Variants in ART3 observed in about 807,000 individuals in gnomAD.
The protein encoded by ART3 is ecto-ADP-ribosyltransferase 3.
Under a neutral mutation model 48.5 loss-of-function variants are expected in ART3, and 49 were observed. The ratio of observed to expected loss-of-function variants is 1.01; its 90% CI spans 0.80 to 1.28. ART3 has a LOEUF of 1.28. ART3 is among the 50% of genes most tolerant of loss of function. The pLI is 0.00. For missense variants in ART3, 438 were observed against 454.3 expected (o/e 0.96, Z 0.33); for synonymous variants, 145 against 157.2 (o/e 0.92, Z 0.58).
At chr4:76,061,675 A>G (rs1483625603) in intron 1 of ART3, among the ~76,000 whole-genome samples, 6 of 152,180 alleles carry the variant, frequency 3.9e-5, no homozygotes. Context: ...TCCATAAAAC[A>G]TATCATGCTG....
chr4:76,076,588 G>C (rs1265231435), intron 2 of ART3, among the ~76,000 whole-genome samples: 1 of 152,068 alleles, frequency 6.6e-6, no homozygotes, highest in African/African-American at 2.4e-5. Context: ...ACAAAAATGG[G>C]TTCACACTGT....
intron 1 of ART3, chr4:76,075,378 T>C (rs888973615): frequency 6.6e-6 from 1 of 152,568 alleles, no homozygotes; most frequent in African/African-American, 2.4e-5. Context: ...GACCTCATCA[T>C]CTCCTCTGTC....
At position 76,075,964 on chromosome 4, in the gene ART3, G is replaced by A; in HGVS notation, c.69+6G>A. On this transcript the variant is annotated splice_donor_region_variant and intron_variant, in intron 2 of 11. Coordinates refer to ENST00000355810, the MANE Select transcript of ART3 (RefSeq NM_001130016.3). The stretch of plus-strand genomic sequence containing the variant: ...TTCTAGTGGACATTTTCCAGGTAAT[G>A]TTGGGAATGGGAAGCATGTGGTCAT... The A allele has an allele frequency of 6.3e-7, 1 of 1,591,306 alleles. No homozygotes were observed. The highest frequency in any genetic ancestry group is 8.6e-7 in the Non-Finnish European group (1 of 1,163,294).
intron 1 of ART3, among the ~76,000 whole-genome samples, chr4:76,052,777 C>T (rs1002968248): frequency 6.1e-5 from 9 of 148,238 alleles, no homozygotes; most frequent in African/African-American, 9.8e-5. Flanking sequence ...TGCACGGGCA[C>T]GATCTCGGCT....
chr4:76,063,820 T>A (rs945642238), intron 1 of ART3, among the ~76,000 whole-genome samples: 3 of 152,236 alleles, frequency 2.0e-5, no homozygotes, highest in Non-Finnish European at 4.4e-5. Flanking sequence ...TAGAGTTTCA[T>A]GTATTATACA....
chr4:76,069,386 CTTTTTTT>C (rs34858048), intron 1 of ART3, among the ~76,000 whole-genome samples: 2 of 110,160 alleles, frequency 1.8e-5, no homozygotes, highest in Non-Finnish European at 3.6e-5. Flanking sequence ...TACTTAATTC[CTTTTTTT>C]TTTTTTTTTT....
intron 1 of ART3, among the ~76,000 whole-genome samples, chr4:76,040,537 A>G (rs1560590071): frequency 3.9e-5 from 1 of 25,402 alleles, no homozygotes; most frequent in Non-Finnish European, 6.6e-5. Flanking sequence ...CGCCCCCTCC[A>G]TGTGTCAGGG....
chr4:76,065,399 C>T (rs1719630459), intron 1 of ART3, among the ~76,000 whole-genome samples: 1 of 152,060 alleles, frequency 6.6e-6, no homozygotes, highest in South Asian at 2.1e-4. Context: ...AACCAGAGTC[C>T]CTGGAGAAAC....
At chr4:76,078,672 A>C (rs1721683243) in intron 2 of ART3, among the ~76,000 whole-genome samples, 1 of 152,086 alleles carries the variant, frequency 6.6e-6, no homozygotes, top group Non-Finnish European at 1.5e-5. Context: ...TTAACCTTTT[A>C]TAAATGTTGT....
intron 3 of ART3, among the ~76,000 whole-genome samples, chr4:76,083,337 A>G (rs1722889660): frequency 6.6e-6 from 1 of 152,124 alleles, no homozygotes; most frequent in South Asian, 2.1e-4. Context: ...ACATGCTTCA[A>G]CATGTTATTT....
chr4:76,071,237 C>G (rs1022271505), upstream of ART3, among the ~76,000 whole-genome samples: 1 of 151,976 alleles, frequency 6.6e-6, no homozygotes, highest in Non-Finnish European at 1.5e-5. Context: ...ACTCTGGAAT[C>G]TGAGGCAGGA....
chr4:76,016,411 C>G (rs1361991167), intron 1 of ART3, among the ~76,000 whole-genome samples: 1 of 152,148 alleles, frequency 6.6e-6, no homozygotes, highest in African/African-American at 2.4e-5. Flanking sequence ...TTAGTTTCTC[C>G]TAAACAAATG....
intron 1 of ART3, among the ~76,000 whole-genome samples, chr4:76,027,526 C>T (rs1161005103): frequency 1.4e-5 from 2 of 142,326 alleles, no homozygotes; most frequent in Admixed American, 1.4e-4. Flanking sequence ...TTGGTAGACT[C>T]ATAGGGGTGA....
chr4:76,027,875 C>T (rs1189824862), intron 1 of ART3, among the ~76,000 whole-genome samples: 1 of 150,848 alleles, frequency 6.6e-6, no homozygotes, highest in African/African-American at 2.4e-5. Flanking sequence ...TCCTAATCAT[C>T]CAGGGTAAGC....
chr4:76,067,955 A>T (rs12509988), intron 1 of ART3, among the ~76,000 whole-genome samples: 1 of 151,908 alleles, frequency 6.6e-6, no homozygotes, highest in African/African-American at 2.4e-5. Context: ...CAGTCTCTAA[A>T]ATATAAATAC....
intron 11 of ART3, among the ~76,000 whole-genome samples, chr4:76,111,380 C>G (rs911527754): frequency 6.6e-6 from 1 of 152,280 alleles, no homozygotes; most frequent in Admixed American, 6.5e-5. Context: ...TATATAGATT[C>G]AGGTCTGCAG....
chr4:76,083,127 A>G (rs111448404), intron 3 of ART3, among the ~76,000 whole-genome samples: 8 of 152,114 alleles, frequency 5.3e-5, no homozygotes, highest in African/African-American at 1.9e-4. Flanking sequence ...GAGCCCAAGA[A>G]GTCCAGGCTG....
intron 1 of ART3, among the ~76,000 whole-genome samples, chr4:76,067,812 C>T (rs1197296744): frequency 1.3e-5 from 2 of 152,142 alleles, no homozygotes; most frequent in East Asian, 3.8e-4. Context: ...GAGCAGTGGC[C>T]TGCCATTGAA....
intron 1 of ART3, among the ~76,000 whole-genome samples, chr4:76,052,494 T>C (rs1736207543): frequency 6.6e-6 from 1 of 152,126 alleles, no homozygotes; most frequent in Admixed American, 6.6e-5. Context: ...CAAATATAAT[T>C]TTGTTACATG....
Sources: allele counts gnomAD v4.1 joint callset (sites outside exome capture counted in the v4.1 genomes callset), GRCh38; gene constraint gnomAD v4.1.1; transcripts MANE v1.5; gene names NCBI Gene and HGNC (gene_info 2026-07-23, HGNC 2026-07-21).